The following UBE3C variants were observed in gnomAD, a reference collection of about 807,000 sequenced individuals.
UBE3C encodes the protein ubiquitin protein ligase E3C.
In UBE3C, 42 loss-of-function variants were observed where a neutral mutation model predicts 129.4. The ratio of observed to expected loss-of-function variants is 0.32; its 90% CI spans 0.25 to 0.42. UBE3C has a LOEUF of 0.42. Ranked by LOEUF, UBE3C falls within the 10% of genes least tolerant of loss-of-function variation. UBE3C has a pLI of 1.00. For missense variants in UBE3C, 1,049 were observed against 1,319.1 expected (o/e 0.80, Z 3.17); for synonymous variants, 510 against 492.4 (o/e 1.04, Z -0.47).
intron 1 of UBE3C, among the ~76,000 whole-genome samples, chr7:157,141,606 A>G (rs1056439838): frequency 6.6e-6 from 1 of 152,216 alleles, no homozygotes; most frequent in Admixed American, 6.5e-5. Context: ...GTAAAAATAC[A>G]AATTATAATC....
At chr7:157,149,287 C>G (rs1390830488) in intron 1 of UBE3C, among the ~76,000 whole-genome samples, 2 of 152,054 alleles carry the variant, frequency 1.3e-5, no homozygotes, top group South Asian at 4.2e-4. Flanking sequence ...AATTCCTGAC[C>G]TCAGGTGATC....
intron 13 of UBE3C, among the ~76,000 whole-genome samples, chr7:157,215,162 A>G (rs112090183): frequency 6.6e-6 from 1 of 152,324 alleles, no homozygotes; most frequent in African/African-American, 2.4e-5. Context: ...GGTTTTTACT[A>G]TGCAGTTTTA....
rs1470742434 is a variant in UBE3C, at chr7:157,254,081, A to G, written c.2822A>G (p.Gln941Arg). Reference protein sequence around the residue: ...QIRQHCLAFRQGLANVVSLEW... With the variant: ...QIRQHCLAFRRGLANVVSLEW... ...CGCCAGCACTGCCTGGCTTTCCGCC[A>G]GGGCCTTGCCAATGTCGTCAGCCTC... The change falls in exon 20 of 23, where the codon CAG becomes CGG. Residue 941 changes from glutamine (Q) to arginine (R), a missense_variant. Around this residue, in one of 4 missense-constraint regions of UBE3C, gnomAD observed 243 missense variants for 368.7 expected, o/e 0.66. Coordinates refer to ENST00000348165, the MANE Select transcript of UBE3C (RefSeq NM_014671.3). 6.2e-7 allele frequency: 1 copy of G among 1,613,526 alleles called. No homozygotes were observed.
At chr7:157,174,348 CTA>C (rs1808458584) in intron 4 of UBE3C, among the ~76,000 whole-genome samples, 1 of 152,136 alleles carries the variant, frequency 6.6e-6, no homozygotes, top group African/African-American at 2.4e-5. Flanking sequence ...TGCAAGTGAA[CTA>C]TTTTTGTTTC....
At chr7:157,146,403 G>A (rs1807606374) in intron 1 of UBE3C, among the ~76,000 whole-genome samples, 1 of 113,842 alleles carries the variant, frequency 8.8e-6, no homozygotes, top group South Asian at 2.5e-4. Flanking sequence ...GGCTACTCTA[G>A]TACAGACGGG....
At chr7:157,169,649 T>G (rs1323763121) in intron 3 of UBE3C, among the ~76,000 whole-genome samples, 4 of 152,154 alleles carry the variant, frequency 2.6e-5, no homozygotes, top group Admixed American at 2.0e-4. Context: ...GTGCTGGGAT[T>G]ACAAGCATAA....
rs116921642 is a variant in UBE3C at position 157,178,135 on chromosome 7, C to T, written c.459-555C>T. Among the ~76,000 whole-genome samples the T allele has an allele frequency of 3.4e-3, 518 of 152,172 alleles. 17 individuals carry two copies. In the South Asian group the frequency reaches 0.047, roughly 14 times the overall value. The stretch of plus-strand genomic sequence containing the variant: ...GATGTGCTCTGTGTCTTGATTGGTG[C>T]GGCCTGCCCGACTGCTTGTGCTGCC... On this transcript the variant is annotated intron_variant, in intron 5 of 22. Transcript: ENST00000348165.
intron 9 of UBE3C, among the ~76,000 whole-genome samples, chr7:157,186,443 C>T (rs1808808378): frequency 6.6e-6 from 1 of 151,636 alleles, no homozygotes; most frequent in African/African-American, 2.4e-5. Flanking sequence ...ATGTAATACT[C>T]TCACTTATTT....
intron 19 of UBE3C, among the ~76,000 whole-genome samples, chr7:157,249,533 G>T (rs1259752924): frequency 6.6e-6 from 1 of 152,132 alleles, no homozygotes; most frequent in Admixed American, 6.6e-5. Flanking sequence ...GGCTGGTCTC[G>T]AACTCCCGAC....
chr7:157,207,711 C>A lies in UBE3C; in HGVS notation c.1585C>A (p.Gln529Lys). The change falls in exon 13 of 23, where the codon CAA becomes AAA. Residue 529 changes from glutamine (Q) to lysine (K), a missense_variant. Gln to Lys is a moderately conservative substitution (Grantham distance 53, BLOSUM62 1). This residue lies in a region of UBE3C where 314 missense variants were observed against 416.9 expected (regional missense o/e 0.75). Transcript: ENST00000348165. Reference sequence around the variant, plus strand: ...TGGATTGTGTTTTTTAGTTGTAGGTCAAAGACAATCATCAATGATGCCTTT... The same window carrying A: ...TGGATTGTGTTTTTTAGTTGTAGGTAAAAGACAATCATCAATGATGCCTTT... ...FFGDPIEVVG[Q>K]RQSSMMPFTL... 1.2e-6 allele frequency: 2 copies of A among 1,612,784 alleles called. No homozygotes were observed. Among genetic ancestry groups the A allele is most frequent in the South Asian group, 2.2e-5 (2 of 90,646 alleles).
chr7:157,203,895 T>G (rs1423519421), intron 11 of UBE3C, among the ~76,000 whole-genome samples: 2 of 152,188 alleles, frequency 1.3e-5, no homozygotes, highest in Non-Finnish European at 2.9e-5. Flanking sequence ...GACACCCAGC[T>G]TACTGAGGCC....
chr7:157,184,072 G>T (rs12112208), intron 9 of UBE3C, 43 bp downstream of exon 9: 4 of 1,596,320 alleles, frequency 2.5e-6, no homozygotes, highest in African/African-American at 2.7e-5. Context: ...GATGCAGGCA[G>T]CCCCGTCGGA....
chr7:157,190,646 T>C (rs1808934230), intron 10 of UBE3C, among the ~76,000 whole-genome samples: 1 of 152,152 alleles, frequency 6.6e-6, no homozygotes, highest in Admixed American at 6.5e-5. Context: ...TATGTCATGG[T>C]TTGCCAGCCT....
chr7:157,250,838 C>T (rs1191214841), intron 19 of UBE3C, among the ~76,000 whole-genome samples: 5 of 152,230 alleles, frequency 3.3e-5, no homozygotes, highest in Non-Finnish European at 4.4e-5. Context: ...TAAAAGCCTT[C>T]GGACGGTGAG....
Position 157,248,587 on chromosome 7 carries a change from G to A in UBE3C, c.2694+7G>A. 1 of 1,612,054 alleles carries A rather than the reference G, an allele frequency of 6.2e-7. No individual in the cohort carries two copies. Among genetic ancestry groups the A allele is most frequent in the Non-Finnish European group, 8.5e-7 (1 of 1,179,874 alleles). On this transcript the variant is annotated splice_region_variant and intron_variant, in intron 19 of 22. Coordinates refer to ENST00000348165, the MANE Select transcript of UBE3C (RefSeq NM_014671.3). ...TGACCTGGGAGAGGCGCAGGTGAGGGGTCAGGAGGAGGATTCACATACCTG... is the reference window on the plus strand; with the variant it reads ...TGACCTGGGAGAGGCGCAGGTGAGGAGTCAGGAGGAGGATTCACATACCTG...
Position 157,217,752 on chromosome 7 carries a change from A to C in UBE3C, c.1914+781A>C, listed in dbSNP as rs190457485. Reference sequence around the variant, plus strand: ...CTCGGGAGGCTAAGGCAGGAGAATCACTTGAACCTGGGAGACAGAGGTTGC... The same window carrying C: ...CTCGGGAGGCTAAGGCAGGAGAATCCCTTGAACCTGGGAGACAGAGGTTGC... On this transcript the variant is annotated intron_variant, in intron 14 of 22. Transcript: ENST00000348165. Among the ~76,000 whole-genome samples the C allele has an allele frequency of 2.1e-3, 313 of 152,158 alleles. 1 individual carries two copies. Among genetic ancestry groups the C allele is most frequent in the Admixed American group, 3.5e-3 (54 of 15,272 alleles).
At chr7:157,186,706 T>C (rs1210567217) in intron 9 of UBE3C, 128 bp from the exon 10 acceptor site, 2 of 1,025,228 alleles carry the variant, frequency 2.0e-6, no homozygotes, top group Non-Finnish European at 2.9e-6. Context: ...TACTGTGATG[T>C]AGATAATTTT....
intron 1 of UBE3C, among the ~76,000 whole-genome samples, chr7:157,145,187 G>A (rs1179497143): frequency 6.6e-6 from 1 of 152,080 alleles, no homozygotes; most frequent in African/African-American, 2.4e-5. Flanking sequence ...GTTGCAGTGA[G>A]CCTGGATTGT....
intron 10 of UBE3C, among the ~76,000 whole-genome samples, chr7:157,197,127 T>C (rs1336591202): frequency 1.3e-5 from 2 of 152,210 alleles, no homozygotes; most frequent in Non-Finnish European, 2.9e-5. Context: ...GAAATAATTA[T>C]TGTATGATCA....
Sources: allele counts gnomAD v4.1 joint callset (sites outside exome capture counted in the v4.1 genomes callset), GRCh38; gene constraint gnomAD v4.1.1; regional missense constraint gnomAD v4.1.1; transcripts MANE v1.5; gene names NCBI Gene and HGNC (gene_info 2026-07-23, HGNC 2026-07-21).